TENM3: variants seen among roughly 807,000 people sequenced by gnomAD.
The protein encoded by TENM3 is teneurin-3.
A neutral mutation model predicts 255.1 loss-of-function variants in TENM3; 63 were observed. That is an observed-to-expected ratio of 0.25 (90% CI 0.20 to 0.30). The LOEUF is 0.30. Ranked by LOEUF, TENM3 falls within the 10% of genes least tolerant of loss-of-function variation. The pLI is 1.00. For missense variants in TENM3, 2,929 were observed against 3,461.1 expected (o/e 0.85, Z 3.86); for synonymous variants, 1,306 against 1,322.3 (o/e 0.99, Z 0.27).
intron 5 of TENM3, among the ~76,000 whole-genome samples, chr4:182,636,154 A>T (rs530176542): frequency 6.6e-6 from 1 of 152,306 alleles, no homozygotes; most frequent in East Asian, 1.9e-4. Context: ...CTGAGATGGT[A>T]TGGAAGCATT....
intron 1 of TENM3, among the ~76,000 whole-genome samples, chr4:182,160,378 A>G (rs1390666717): frequency 1.3e-5 from 2 of 152,184 alleles, no homozygotes; most frequent in African/African-American, 4.8e-5. Context: ...ACCTAACGAG[A>G]ATATTCTATT....
the TENM3 span, among the ~76,000 whole-genome samples, chr4:181,496,913 C>T: frequency 8.6e-6 from 1 of 116,870 alleles, no homozygotes; most frequent in Non-Finnish European, 1.5e-5. Context: ...TTTCTAGCTC[C>T]CTATACACAG....
chr4:182,679,734 G>C lies in TENM3; in HGVS notation c.1395G>C (p.Thr465=). ...GAGAGCAGCGGAGCCTGCTTGAGACGGAGAGAGCCGGGCGGCAGGCGAGAT... is the reference window on the plus strand; with the variant it reads ...GAGAGCAGCGGAGCCTGCTTGAGACCGAGAGAGCCGGGCGGCAGGCGAGAT... ...IAREQRSLLE[T]ERAGRQARSV... The change falls in exon 8 of 28, where the codon ACG becomes ACC. Residue 465 remains threonine, a synonymous_variant. Transcript: ENST00000511685. 6.2e-7 allele frequency: 1 copy of C among 1,613,808 alleles called. No individual in the cohort carries two copies.
In TENM3 at chr4:182,625,551, T is replaced by C. The variant is rs527914342; in HGVS notation, c.750-3100T>C. 6.9e-4 allele frequency among the ~76,000 whole-genome samples: 105 copies of C among 152,262 alleles called. 1 individual carries two copies. The highest frequency in any genetic ancestry group is 2.5e-3 in the African/African-American group (103 of 41,552). Reference sequence around the variant, plus strand: ...AAACCGGTCCCTGGTGCCAAAAACGTTGGGGACCGCTGCAGTAAAGTAAGC... The same window carrying C: ...AAACCGGTCCCTGGTGCCAAAAACGCTGGGGACCGCTGCAGTAAAGTAAGC... On this transcript the variant is annotated intron_variant, in intron 4 of 27. Transcript: ENST00000511685.
intron 12 of TENM3, among the ~76,000 whole-genome samples, chr4:182,689,417 C>A (rs1756846066): frequency 6.6e-6 from 1 of 152,194 alleles, no homozygotes. Context: ...TAAATTGTCA[C>A]AAGTGTGTCA....
At chr4:181,877,139 A>T in the TENM3 span, 4 of 152,208 alleles carry the variant, frequency 2.6e-5, no homozygotes, top group Admixed American at 6.5e-5. Context: ...AATGTGTAAA[A>T]ATATACATGT....
Position 182,185,621 on chromosome 4 carries a change from T to G in TENM3, c.-76+40867T>G, listed in dbSNP as rs367772876. On this transcript the variant is annotated intron_variant, in intron 1 of 2. Coordinates refer to the TENM3 transcript ENST00000512480. ...GTTACAATTCCATCATTACTCTTTCTAACAGCCCTTCAAGCCTCCTGCTCT... is the reference window on the plus strand; with the variant it reads ...GTTACAATTCCATCATTACTCTTTCGAACAGCCCTTCAAGCCTCCTGCTCT... Among the ~76,000 whole-genome samples, 3 of 152,226 alleles carry G rather than the reference T, an allele frequency of 2.0e-5. No homozygotes were observed. The South Asian group carries it at 6.2e-4, about 31-fold the overall frequency.
intron 12 of TENM3, among the ~76,000 whole-genome samples, chr4:182,693,762 T>C (rs1261324559): frequency 6.6e-6 from 1 of 152,200 alleles, no homozygotes; most frequent in African/African-American, 2.4e-5. Flanking sequence ...ATTTAACCTG[T>C]TTTATATGAA....
chr4:181,630,370 C>G, the TENM3 span, among the ~76,000 whole-genome samples: 1 of 151,976 alleles, frequency 6.6e-6, no homozygotes, highest in African/African-American at 2.4e-5. Context: ...TTATTTATTG[C>G]CTTCCGCTAG....
the TENM3 span, among the ~76,000 whole-genome samples, chr4:182,047,348 G>T: frequency 6.6e-6 from 1 of 152,016 alleles, no homozygotes; most frequent in Non-Finnish European, 1.5e-5. Flanking sequence ...TGGATTACGA[G>T]GTCGGGAGGT....
chr4:182,758,227 A>T (rs932984584), intron 22 of TENM3, among the ~76,000 whole-genome samples: 21 of 152,084 alleles, frequency 1.4e-4, no homozygotes, highest in African/African-American at 4.8e-4. Flanking sequence ...ACAAATGATC[A>T]TTTTTTTTCT....
At chr4:182,164,128 A>C (rs953099727) in intron 1 of TENM3, among the ~76,000 whole-genome samples, 5 of 152,204 alleles carry the variant, frequency 3.3e-5, no homozygotes, top group African/African-American at 1.2e-4. Context: ...CATTAACTGG[A>C]GCATCCAGAG....
chr4:181,780,512 G>A, the TENM3 span, among the ~76,000 whole-genome samples: 1 of 152,114 alleles, frequency 6.6e-6, no homozygotes, highest in East Asian at 1.9e-4. Context: ...ATTTGTTTGA[G>A]TTATTTGTAG....
At chr4:181,519,262 G>T in the TENM3 span, among the ~76,000 whole-genome samples, 1 of 152,182 alleles carries the variant, frequency 6.6e-6, no homozygotes, top group Non-Finnish European at 1.5e-5. Context: ...GGCAGAGATC[G>T]TGTGGTGCTC....
At chr4:181,781,862 G>A in the TENM3 span, among the ~76,000 whole-genome samples, 2,402 of 152,112 alleles carry the variant, frequency 0.016, 54 homozygotes, top group African/African-American at 0.054. Flanking sequence ...CCTTTTCTGC[G>A]TCTATTGAGA....
rs1209965315 is a variant in TENM3, at chr4:182,800,027, G to A, written c.7776G>A (p.Arg2592=). Residue 2592 remains arginine (R), a synonymous_variant, in exon 28 of 28, where the codon AGG becomes AGA. Coordinates refer to ENST00000511685, the MANE Select transcript of TENM3 (RefSeq NM_001080477.4). ...STTVVNGRTR[R]FADVEMQFGA... ...CGGTGGTGAACGGCAGGACGCGCAG[G>A]TTCGCGGACGTGGAGATGCAGTTCG... 21 of 1,596,566 alleles carry A rather than the reference G, an allele frequency of 1.3e-5. No individual in the cohort carries two copies. The highest frequency in any genetic ancestry group is 1.8e-5 in the Non-Finnish European group (21 of 1,172,774).
At chr4:182,724,974 G>A (rs566997357) in intron 13 of TENM3, among the ~76,000 whole-genome samples, 6 of 151,924 alleles carry the variant, frequency 3.9e-5, no homozygotes, top group African/African-American at 9.6e-5. Flanking sequence ...TGAAAGATTC[G>A]TCATAAACAT....
chr4:181,584,087 A>G, the TENM3 span, among the ~76,000 whole-genome samples: 13 of 152,318 alleles, frequency 8.5e-5, no homozygotes, highest in Non-Finnish European at 1.5e-4. Context: ...AGCATATTAC[A>G]TGAGTAGCAC....
At chr4:181,592,175 T>C in the TENM3 span, among the ~76,000 whole-genome samples, 1 of 151,836 alleles carries the variant, frequency 6.6e-6, no homozygotes, top group Non-Finnish European at 1.5e-5. Flanking sequence ...GCATACATAA[T>C]GTCAATTTGC....
Sources: gnomAD v4.1 joint callset for allele counts (sites outside exome capture counted in the v4.1 genomes callset) on GRCh38, gnomAD v4.1.1 for gene constraint, MANE v1.5 for transcripts, NCBI Gene and HGNC (gene_info 2026-07-23, HGNC 2026-07-21) for gene names.